Variants in ELOVL5 observed in about 807,000 individuals in gnomAD.
The protein encoded by ELOVL5 is ELOVL fatty acid elongase 5.
Under a neutral mutation model 38.6 loss-of-function variants are expected in ELOVL5, and 8 were observed. That is an observed-to-expected ratio of 0.21 (90% confidence interval 0.12 to 0.37). The LOEUF (loss-of-function observed/expected upper bound fraction) is 0.37, where lower values mean the gene tolerates loss of function less well. Ranked by LOEUF, ELOVL5 falls within the 10% of genes least tolerant of loss-of-function variation. The pLI is 1.00. For synonymous variants in ELOVL5, 127 were observed against 133.7 expected (o/e 0.95, Z 0.34); for missense variants, 280 against 367.8 (o/e 0.76, Z 1.95).
At chr6:53,314,728 GA>G (rs1001050527) in intron 1 of ELOVL5, among the ~76,000 whole-genome samples, 10 of 150,718 alleles carry the variant, frequency 6.6e-5, no homozygotes, top group African/African-American at 2.2e-4. Context: ...AAATTAAAAA[GA>G]AAAAAAAATC....
intron 3 of ELOVL5, chr6:53,287,993 G>T: frequency 6.9e-7 from 1 of 1,444,000 alleles, no homozygotes; most frequent in South Asian, 1.2e-5. Flanking sequence ...AGAGGTCTGA[G>T]GCACAGCAGG....
chr6:53,268,111 T>C lies in ELOVL5; in HGVS notation c.*1016A>G, dbSNP rs912456468. 1 of 152,132 alleles carries C rather than the reference T, an allele frequency of 6.6e-6. No individual in the cohort carries two copies. The highest frequency in any genetic ancestry group is 1.5e-5 in the Non-Finnish European group (1 of 68,022). The allele number at this position is 152,132 out of a possible 1,614,324, so 9.4% of individuals were successfully genotyped here. A position where few individuals can be genotyped will look rare whatever the true frequency, so the allele number is the denominator to read the frequency against. ...CCCCCCTTTGTTAATTTTGGTAAAC[T>C]AGGCACATTTTACAAGGAAATCTGT... On this transcript the variant is annotated 3_prime_UTR_variant, in exon 8 of 8. Coordinates refer to ENST00000304434, the MANE Select transcript of ELOVL5 (RefSeq NM_021814.5).
rs587777671 is a variant in ELOVL5, at chr6:53,291,808, G to C, written c.214C>G (p.Leu72Val). Residue 72 changes from leucine to valine, a missense_variant, in exon 3 of 8, where the codon CTC becomes GTC. Transcript: ENST00000304434. The part of the protein sequence containing the change: ...RGILVVYNLG[L>V]TLLSLYMFCE... ...AACATATACAGAGACAGCAGTGTGA[G>C]TCCAAGGTTATACACCACTAAAATC... The C allele has an allele frequency of 6.2e-7, 1 of 1,613,502 alleles. No homozygotes were observed. Among genetic ancestry groups the C allele is most frequent in the Non-Finnish European group, 8.5e-7 (1 of 1,179,794 alleles).
intron 1 of ELOVL5, among the ~76,000 whole-genome samples, chr6:53,305,318 C>G (rs1316503990): frequency 8.1e-6 from 1 of 124,024 alleles, no homozygotes; most frequent in African/African-American, 3.2e-5. Flanking sequence ...GGCGGCTGGC[C>G]GGGCAGGGGG....
intron 2 of ELOVL5, chr6:53,294,208 G>T: frequency 6.8e-7 from 1 of 1,477,328 alleles, no homozygotes; most frequent in South Asian, 1.4e-5. Context: ...CACCTGACCC[G>T]AACTCCAGCC....
chr6:53,291,764 C>A lies in ELOVL5; in HGVS notation c.246+12G>T. The A allele has an allele frequency of 6.2e-7, 1 of 1,600,168 alleles. No individual in the cohort carries two copies. The highest frequency in any genetic ancestry group is 8.5e-7 in the Non-Finnish European group (1 of 1,172,460). On this transcript the variant is annotated intron_variant, in intron 3 of 7. Coordinates refer to ENST00000304434, the MANE Select transcript of ELOVL5 (RefSeq NM_021814.5). ...TTATGTGAAAGGAAGACTGTGTTAA[C>A]CTTTGACTTACCTCACAGAACATAT...
At chr6:53,305,852 C>T (rs1043354614) in intron 1 of ELOVL5, among the ~76,000 whole-genome samples, 8 of 152,064 alleles carry the variant, frequency 5.3e-5, no homozygotes, top group Admixed American at 3.9e-4. Flanking sequence ...CCAAGGCAGG[C>T]GGCTGGGAGG....
At chr6:53,340,549 T>C (rs1052852724) in intron 1 of ELOVL5, among the ~76,000 whole-genome samples, 8 of 152,304 alleles carry the variant, frequency 5.3e-5, no homozygotes, top group African/African-American at 1.9e-4. Context: ...GTGCCCTACA[T>C]AGTTGTATCA....
chr6:53,309,743 G>A (rs1767750790), intron 1 of ELOVL5, among the ~76,000 whole-genome samples: 2 of 152,196 alleles, frequency 1.3e-5, no homozygotes, highest in African/African-American at 4.8e-5. Context: ...CACTAGCTCT[G>A]GGGGAAGCCA....
intron 1 of ELOVL5, among the ~76,000 whole-genome samples, chr6:53,300,160 A>G (rs553411234): frequency 6.6e-6 from 1 of 152,174 alleles, no homozygotes; most frequent in African/African-American, 2.4e-5. Context: ...CACACCCACA[A>G]TTGGATATAT....
intron 1 of ELOVL5, among the ~76,000 whole-genome samples, chr6:53,298,663 A>T (rs1767119398): frequency 6.6e-6 from 1 of 152,090 alleles, no homozygotes. Flanking sequence ...CTGCCACAGG[A>T]TTGGCTCCAT....
At chr6:53,291,261 T>C (rs1193332072) in intron 3 of ELOVL5, among the ~76,000 whole-genome samples, 1 of 152,186 alleles carries the variant, frequency 6.6e-6, no homozygotes, top group Non-Finnish European at 1.5e-5. Flanking sequence ...TAAATGCAGA[T>C]CTCACCAGTC....
At chr6:53,300,699 G>T (rs1581949863) in intron 1 of ELOVL5, among the ~76,000 whole-genome samples, 1 of 152,188 alleles carries the variant, frequency 6.6e-6, no homozygotes. Context: ...GCCATGACAG[G>T]AGTGGGCAGC....
chr6:53,294,299 G>T, intron 2 of ELOVL5: 2 of 1,569,072 alleles, frequency 1.3e-6, no homozygotes, highest in Admixed American at 1.9e-5. Flanking sequence ...AGGGGCATGT[G>T]AAGCAATTGT....
chr6:53,296,393 AGAT>A, intron 1 of ELOVL5, among the ~76,000 whole-genome samples: 1 of 152,356 alleles, frequency 6.6e-6, no homozygotes, highest in East Asian at 1.9e-4. Flanking sequence ...TACCATTAGT[AGAT>A]GATCATGTCA....
At chr6:53,279,725 T>C (rs1257945328) in intron 3 of ELOVL5, among the ~76,000 whole-genome samples, 5 of 152,246 alleles carry the variant, frequency 3.3e-5, no homozygotes, top group Non-Finnish European at 5.9e-5. Flanking sequence ...GTTCACAAGA[T>C]GAAAACTCTT....
At chr6:53,309,338 G>A (rs1488836906) in intron 1 of ELOVL5, among the ~76,000 whole-genome samples, 1 of 152,150 alleles carries the variant, frequency 6.6e-6, no homozygotes, top group African/African-American at 2.4e-5. Context: ...GTTTGGCCAA[G>A]GACAATTCCA....
At chr6:53,312,186 G>T (rs1445426719) in intron 1 of ELOVL5, among the ~76,000 whole-genome samples, 3 of 152,160 alleles carry the variant, frequency 2.0e-5, no homozygotes, top group African/African-American at 7.2e-5. Flanking sequence ...TAATTCAAAT[G>T]AAGCTATTGG....
intron 3 of ELOVL5, among the ~76,000 whole-genome samples, chr6:53,289,329 C>A (rs971197409): frequency 9.2e-5 from 14 of 152,176 alleles, no homozygotes; most frequent in Non-Finnish European, 1.5e-5. Context: ...TGAGGGGCCC[C>A]ATGGGGCTTC....
Sources: gnomAD v4.1 joint callset for allele counts (sites outside exome capture counted in the v4.1 genomes callset) on GRCh38, gnomAD v4.1.1 for gene constraint, MANE v1.5 for transcripts, NCBI Gene and HGNC (gene_info 2026-07-23, HGNC 2026-07-21) for gene names.